ADGRV1: variants seen among roughly 807,000 people sequenced by gnomAD.
The protein encoded by ADGRV1 is G-protein coupled receptor 98.
Under a neutral mutation model 596.2 loss-of-function variants are expected in ADGRV1, and 359 were observed. The observed-to-expected ratio is 0.60, with a 90% CI of 0.55 to 0.66. The LOEUF (loss-of-function observed/expected upper bound fraction) is 0.66. ADGRV1 is among the 30% of genes least tolerant of loss of function. ADGRV1 has a pLI of 0.00. For missense variants in ADGRV1, 7,274 were observed against 7,575.6 expected (o/e 0.96, Z 1.48); for synonymous variants, 2,681 against 2,679.2 (o/e 1.00, Z -0.02).
intron 83 of ADGRV1, among the ~76,000 whole-genome samples, chr5:90,883,312 G>A (rs943334874): frequency 6.6e-6 from 1 of 152,094 alleles, no homozygotes; most frequent in Non-Finnish European, 1.5e-5. Context: ...TCAGGCCATC[G>A]AAGAGGATTT....
chr5:90,982,066 T>C (rs1780120444), intron 84 of ADGRV1, among the ~76,000 whole-genome samples: 2 of 152,174 alleles, frequency 1.3e-5, no homozygotes, highest in Non-Finnish European at 2.9e-5. Context: ...CCAGCCTGGG[T>C]GACAGAGCAA....
chr5:90,667,004 T>A (rs1163494454), intron 21 of ADGRV1, among the ~76,000 whole-genome samples: 1 of 152,174 alleles, frequency 6.6e-6, no homozygotes, highest in Non-Finnish European at 1.5e-5. Context: ...GGGCTTCCCT[T>A]TGAGGGTAAC....
At chr5:90,632,298 A>G (rs892996299) in intron 9 of ADGRV1, among the ~76,000 whole-genome samples, 1 of 152,182 alleles carries the variant, frequency 6.6e-6, no homozygotes, top group African/African-American at 2.4e-5. Flanking sequence ...GCATTCTGGC[A>G]TATGTGGAGT....
chr5:91,092,740 G>A (rs186138030), intron 86 of ADGRV1: 1 of 152,268 alleles, frequency 6.6e-6, no homozygotes, highest in East Asian at 1.9e-4. Flanking sequence ...TATAGAAGAT[G>A]AGAGATGAAG....
intron 36 of ADGRV1, among the ~76,000 whole-genome samples, chr5:90,705,040 T>G (rs149502544): frequency 0.012 from 1,767 of 152,192 alleles, 35 homozygotes; most frequent in African/African-American, 0.04. Context: ...AATCTCTTGA[T>G]CTTGTGATCC....
chr5:90,926,612 G>A (rs1379426015), intron 83 of ADGRV1, among the ~76,000 whole-genome samples: 1 of 151,708 alleles, frequency 6.6e-6, no homozygotes, highest in Non-Finnish European at 1.5e-5. Context: ...TTTTTGAAGG[G>A]TTTTTTGTGT....
Position 90,794,015 on chromosome 5 carries a change from C to T in ADGRV1, c.14517+2669C>T, listed in dbSNP as rs377528204. ...AAACCAAAGACAAGATTTTTTTCAACGGTTTCTTTCTTCCCTCTCACCCGG... is the reference window on the plus strand; with the variant it reads ...AAACCAAAGACAAGATTTTTTTCAATGGTTTCTTTCTTCCCTCTCACCCGG... On this transcript the variant is annotated intron_variant, in intron 70 of 89. Transcript: ENST00000405460. Among the ~76,000 whole-genome samples the T allele has an allele frequency of 1.6e-4, 25 of 152,052 alleles. 1 individual carries two copies. The highest frequency in any genetic ancestry group is 8.5e-4 in the Admixed American group (13 of 15,268).
intron 87 of ADGRV1, among the ~76,000 whole-genome samples, chr5:91,137,922 G>A (rs1339133523): frequency 2.0e-5 from 3 of 152,208 alleles, no homozygotes; most frequent in Admixed American, 2.0e-4. Context: ...TTAGAATCTG[G>A]ATTTACGTAA....
chr5:90,668,931 C>T (rs1295068878), intron 21 of ADGRV1, among the ~76,000 whole-genome samples: 1 of 152,124 alleles, frequency 6.6e-6, no homozygotes, highest in East Asian at 1.9e-4. Context: ...CTAATGCTTA[C>T]TGACTTGATA....
At chr5:91,036,383 C>T (rs944241794) in intron 85 of ADGRV1, among the ~76,000 whole-genome samples, 2 of 151,944 alleles carry the variant, frequency 1.3e-5, no homozygotes, top group African/African-American at 4.8e-5. Context: ...CACGGTGAAA[C>T]CCTGTCTCTA....
At chr5:91,121,817 G>T (rs1395265251) in intron 87 of ADGRV1, among the ~76,000 whole-genome samples, 1 of 152,016 alleles carries the variant, frequency 6.6e-6, no homozygotes, top group Non-Finnish European at 1.5e-5. Flanking sequence ...AGCATGCTTG[G>T]GAGACATTTG....
intron 84 of ADGRV1, among the ~76,000 whole-genome samples, chr5:90,982,079 C>G (rs796810234): frequency 6.6e-6 from 1 of 152,118 alleles, no homozygotes; most frequent in Admixed American, 6.6e-5. Context: ...CAGAGCAAGA[C>G]CTTGTCTCTA....
chr5:90,610,213 A>G (rs1390984529), intron 1 of ADGRV1, among the ~76,000 whole-genome samples: 1 of 151,992 alleles, frequency 6.6e-6, no homozygotes, highest in Non-Finnish European at 1.5e-5. Context: ...ATTGCTTATA[A>G]TGACACGTTG....
chr5:90,823,611 G>A lies in ADGRV1; in HGVS notation c.16368+15G>A, dbSNP rs1487636770. On this transcript the variant is annotated intron_variant, in intron 76 of 89. Transcript: ENST00000405460. ...AACCAGAAAAGGTAAGAAATGAAGAGACACACTAGTGTCAACTTCTAATTA... is the reference window on the plus strand; with the variant it reads ...AACCAGAAAAGGTAAGAAATGAAGAAACACACTAGTGTCAACTTCTAATTA... 2 of 1,604,376 alleles carry A rather than the reference G, an allele frequency of 1.2e-6. No individual in the cohort carries two copies. The highest frequency in any genetic ancestry group is 2.7e-5 in the African/African-American group (2 of 74,818).
intron 3 of ADGRV1, among the ~76,000 whole-genome samples, chr5:90,618,454 T>C (rs760775437): frequency 3.3e-5 from 5 of 152,210 alleles, no homozygotes; most frequent in African/African-American, 4.8e-5. Flanking sequence ...ACCATTCTGG[T>C]TGTTTTTTCT....
In ADGRV1 at chr5:90,587,220, C is replaced by T. The variant is rs374950351; in HGVS notation, c.23-27615C>T. On this transcript the variant is annotated intron_variant, in intron 1 of 89. Transcript: ENST00000405460. ...GAACGCTTTCATGTTTCTCTTGTGA[C>T]GTGACCCCATTACTCTTACCTGGTT... is the stretch of plus-strand genomic sequence containing the variant. Among the ~76,000 whole-genome samples, 14 of 152,218 alleles carry T rather than the reference C, an allele frequency of 9.2e-5. No individual in the cohort carries two copies. In the South Asian group the frequency reaches 1.0e-3, roughly 11 times the overall value.
chr5:90,940,618 A>T (rs1776095553), intron 83 of ADGRV1, among the ~76,000 whole-genome samples: 1 of 152,172 alleles, frequency 6.6e-6, no homozygotes, highest in African/African-American at 2.4e-5. Flanking sequence ...GATGTTTTTC[A>T]GTTTGTGGAT....
intron 82 of ADGRV1, among the ~76,000 whole-genome samples, chr5:90,860,165 C>A (rs1265690096): frequency 6.6e-6 from 1 of 152,060 alleles, no homozygotes; most frequent in Admixed American, 6.6e-5. Context: ...TTATATTGAA[C>A]AGCGTTAAGT....
chr5:90,824,444 T>C (rs1763897357), intron 76 of ADGRV1, among the ~76,000 whole-genome samples: 1 of 152,242 alleles, frequency 6.6e-6, no homozygotes, highest in African/African-American at 2.4e-5. Context: ...GGCAAATGTG[T>C]TGCTGTTGTG....
Sources: allele counts gnomAD v4.1 joint callset (sites outside exome capture counted in the v4.1 genomes callset), GRCh38; gene constraint gnomAD v4.1.1; transcripts MANE v1.5; gene names NCBI Gene and HGNC (gene_info 2026-07-23, HGNC 2026-07-21).